The following FAM135B variants were observed in gnomAD, a reference collection of about 807,000 sequenced individuals.
The protein encoded by FAM135B is protein FAM135B.
FAM135B carries 43 observed loss-of-function variants against 127.7 expected under a neutral mutation model. That is an observed-to-expected ratio of 0.34 (90% CI 0.26 to 0.43). FAM135B has a LOEUF of 0.43. Among genes scored for constraint, FAM135B ranks in the 20% least tolerant of loss-of-function variants. FAM135B has a pLI of 1.00. For missense variants in FAM135B, 1,558 were observed against 1,725.6 expected, an observed-to-expected ratio of 0.90 and a Z score of 1.72; for synonymous variants, 670 against 665.1, an observed-to-expected ratio of 1.01 and a Z score of -0.11.
At chr8:138,444,659 G>A (rs1380719738) in intron 1 of FAM135B, among the ~76,000 whole-genome samples, 3 of 152,006 alleles carry the variant, frequency 2.0e-5, no homozygotes, top group Non-Finnish European at 4.4e-5. Context: ...GCAGTGTGTA[G>A]AGGGAAATTT....
intron 19 of FAM135B, among the ~76,000 whole-genome samples, chr8:138,135,580 C>T (rs762138011): frequency 4.6e-5 from 7 of 152,056 alleles, no homozygotes; most frequent in Non-Finnish European, 7.4e-5. Context: ...TAACAGTACA[C>T]GTGTTGCTGG....
chr8:138,373,749 T>G (rs962572831), intron 1 of FAM135B, among the ~76,000 whole-genome samples: 4 of 152,000 alleles, frequency 2.6e-5, no homozygotes, highest in African/African-American at 9.7e-5. Flanking sequence ...CCCCCTTGGG[T>G]GTGGCCGTCT....
intron 7 of FAM135B, among the ~76,000 whole-genome samples, chr8:138,202,314 A>C (rs1167226725): frequency 6.6e-6 from 1 of 151,994 alleles, no homozygotes; most frequent in Non-Finnish European, 1.5e-5. Context: ...CAGTGGCGCA[A>C]TCATGGCTCA....
chr8:138,319,539 C>T (rs752178054), intron 2 of FAM135B, among the ~76,000 whole-genome samples: 1 of 152,144 alleles, frequency 6.6e-6, no homozygotes, highest in Non-Finnish European at 1.5e-5. Flanking sequence ...CCATTGGTTT[C>T]ATCAGAATGG....
chr8:138,213,434 C>T (rs919086478), intron 7 of FAM135B, among the ~76,000 whole-genome samples: 1 of 151,860 alleles, frequency 6.6e-6, no homozygotes, highest in African/African-American at 2.4e-5. Flanking sequence ...TCCAGAGTTA[C>T]AGGAGACAAA....
At chr8:138,487,333 G>A (rs1815020535) in intron 1 of FAM135B, among the ~76,000 whole-genome samples, 1 of 151,622 alleles carries the variant, frequency 6.6e-6, no homozygotes, top group Non-Finnish European at 1.5e-5. Flanking sequence ...ATACCTTCCC[G>A]CCAGCCCCCA....
chr8:138,258,325 T>G (rs1057464756), intron 4 of FAM135B, among the ~76,000 whole-genome samples: 1 of 152,200 alleles, frequency 6.6e-6, no homozygotes, highest in Non-Finnish European at 1.5e-5. Context: ...CATGGAGAGA[T>G]ATACAGATGG....
chr8:138,247,377 T>G (rs761492355), intron 6 of FAM135B, among the ~76,000 whole-genome samples: 10 of 152,298 alleles, frequency 6.6e-5, no homozygotes, highest in Non-Finnish European at 1.3e-4. Context: ...TGAGGGCAGT[T>G]ACCTCCATGC....
intron 7 of FAM135B, among the ~76,000 whole-genome samples, chr8:138,204,385 C>T (rs1817395698): frequency 6.6e-6 from 1 of 152,200 alleles, no homozygotes. Context: ...TTCCAATACT[C>T]CCTGAACACT....
chr8:138,175,926 T>C (rs1563730594), intron 11 of FAM135B, among the ~76,000 whole-genome samples: 1 of 152,228 alleles, frequency 6.6e-6, no homozygotes, highest in Non-Finnish European at 1.5e-5. Flanking sequence ...CTTCTAACAC[T>C]TTCTGAGCAG....
chr8:138,261,903 G>GT (rs1447073757), intron 4 of FAM135B, among the ~76,000 whole-genome samples: 2 of 152,206 alleles, frequency 1.3e-5, no homozygotes, highest in Non-Finnish European at 2.9e-5. Context: ...TATCAGCAGT[G>GT]TTTTGGTTGT....
At chr8:138,345,822 T>C (rs1225558445) in intron 2 of FAM135B, among the ~76,000 whole-genome samples, 1 of 152,254 alleles carries the variant, frequency 6.6e-6, no homozygotes, top group Non-Finnish European at 1.5e-5. Flanking sequence ...TGATCTCTAC[T>C]GCCTCAGTTT....
At chr8:138,339,358 A>AATATATATATATATATATAT (rs143774221) in intron 2 of FAM135B, among the ~76,000 whole-genome samples, 90 of 147,732 alleles carry the variant, frequency 6.1e-4, no homozygotes, top group African/African-American at 2.0e-3. Context: ...AAACTAACTA[A>AATATATATATATATATATAT]ATATATATAT....
chr8:138,361,808 T>C (rs1285572644), intron 2 of FAM135B, among the ~76,000 whole-genome samples: 2 of 152,132 alleles, frequency 1.3e-5, no homozygotes, highest in Non-Finnish European at 2.9e-5. Context: ...CCCACATCCA[T>C]CCTTAAAGTG....
At chr8:138,170,596 T>A (rs186939762) in intron 11 of FAM135B, among the ~76,000 whole-genome samples, 1 of 152,332 alleles carries the variant, frequency 6.6e-6, no homozygotes, top group East Asian at 1.9e-4. Flanking sequence ...GGTGGATTTG[T>A]GATGGTTGAT....
intron 7 of FAM135B, among the ~76,000 whole-genome samples, chr8:138,213,586 G>T (rs1450085219): frequency 6.6e-6 from 1 of 151,486 alleles, no homozygotes; most frequent in Non-Finnish European, 1.5e-5. Flanking sequence ...AGCTTTTGGA[G>T]ATAGAATTTT....
At chr8:138,226,178 T>TGCGCGC (rs1290116116) in intron 7 of FAM135B, among the ~76,000 whole-genome samples, 4 of 127,982 alleles carry the variant, frequency 3.1e-5, no homozygotes, top group Non-Finnish European at 6.7e-5. Context: ...TGTGTGTGTG[T>TGCGCGC]GTGTGTGCGC....
intron 12 of FAM135B, among the ~76,000 whole-genome samples, chr8:138,154,828 C>G (rs1440706295): frequency 6.6e-6 from 1 of 152,122 alleles, no homozygotes; most frequent in Non-Finnish European, 1.5e-5. Context: ...ATTCGTGTAC[C>G]TGAAAGTGAC....
chr8:138,279,464 C>A (rs145258580), intron 3 of FAM135B, among the ~76,000 whole-genome samples: 90 of 152,342 alleles, frequency 5.9e-4, no homozygotes, highest in African/African-American at 2.1e-3. Context: ...TAAATGCTAC[C>A]TCTTCTATGA....
Sources: gnomAD v4.1 joint callset for allele counts (sites outside exome capture counted in the v4.1 genomes callset) on GRCh38, gnomAD v4.1.1 for gene constraint, MANE v1.5 for transcripts, NCBI Gene and HGNC (gene_info 2026-07-23, HGNC 2026-07-21) for gene names.